SBF2: variants seen among roughly 807,000 people sequenced by gnomAD.
The protein encoded by SBF2 is SET binding factor 2.
SBF2 carries 112 observed loss-of-function variants against 225.2 expected under a neutral mutation model. That is an observed-to-expected ratio of 0.50 (90% CI 0.43 to 0.58). The LOEUF is 0.58. SBF2 is among the 20% of genes least tolerant of loss of function. The pLI is 0.00. For missense variants in SBF2, 1,996 were observed against 2,206.2 expected (o/e 0.90, Z 1.91); for synonymous variants, 763 against 773.3 (o/e 0.99, Z 0.22).
chr11:9,782,475 A>G (rs1426224636), intron 38 of SBF2, among the ~76,000 whole-genome samples: 2 of 152,242 alleles, frequency 1.3e-5, no homozygotes, highest in African/African-American at 4.8e-5. Flanking sequence ...ATAAGGTACT[A>G]GATCATCTCA....
rs181984052 is a variant in SBF2 at position 10,092,727 on chromosome 11, A to C, written c.142-49746T>G. On this transcript the variant is annotated intron_variant, in intron 2 of 39. Transcript: ENST00000256190. Reference sequence around the variant, plus strand: ...GGAAGAGAACATCCATTAATGCTAAAATAAAGGGATGACACATACACACGC... The same window carrying C: ...GGAAGAGAACATCCATTAATGCTAACATAAAGGGATGACACATACACACGC... 9.8e-5 allele frequency among the ~76,000 whole-genome samples: 15 copies of C among 152,338 alleles called. No homozygotes were observed. The East Asian group carries it at 2.7e-3, about 27-fold the overall frequency.
At chr11:9,974,616 C>T (rs1946592465) in intron 13 of SBF2, among the ~76,000 whole-genome samples, 1 of 149,748 alleles carries the variant, frequency 6.7e-6, no homozygotes, top group South Asian at 2.1e-4. Context: ...CACCACATAC[C>T]TGTTGGAAAG....
intron 16 of SBF2, among the ~76,000 whole-genome samples, chr11:9,904,597 C>T (rs897340224): frequency 9.9e-5 from 15 of 152,116 alleles, no homozygotes; most frequent in Admixed American, 6.6e-5. Context: ...ATACTGTAAA[C>T]GTTAGAGCTA....
At chr11:10,288,933 G>A (rs972815854) in intron 1 of SBF2, among the ~76,000 whole-genome samples, 28 of 152,042 alleles carry the variant, frequency 1.8e-4, no homozygotes, top group Non-Finnish European at 2.2e-4. Context: ...AGCCCTCCCC[G>A]GCCTGAAGGT....
chr11:10,154,296 G>C (rs1955362941), intron 2 of SBF2, among the ~76,000 whole-genome samples: 1 of 152,062 alleles, frequency 6.6e-6, no homozygotes, highest in South Asian at 2.1e-4. Context: ...ATTCTGGAAA[G>C]TATTCCACAT....
intron 15 of SBF2, among the ~76,000 whole-genome samples, chr11:9,963,152 T>C (rs1441710183): frequency 6.6e-6 from 1 of 152,196 alleles, no homozygotes; most frequent in East Asian, 1.9e-4. Context: ...TTCTTTGCAA[T>C]ACATAAAATT....
At chr11:10,125,016 G>A (rs1159864039) in intron 2 of SBF2, among the ~76,000 whole-genome samples, 3 of 150,888 alleles carry the variant, frequency 2.0e-5, no homozygotes, top group African/African-American at 7.3e-5. Flanking sequence ...GAGGCAGGAG[G>A]AGAATTGCTT....
At chr11:9,815,464 A>C (rs944102752) in intron 29 of SBF2, among the ~76,000 whole-genome samples, 16 of 43,630 alleles carry the variant, frequency 3.7e-4, no homozygotes. Flanking sequence ...AAACTTAAAA[A>C]AAATATAATA....
intron 28 of SBF2, chr11:9,819,388 G>C (rs1209208570): frequency 9.9e-5 from 15 of 152,080 alleles, no homozygotes; most frequent in Non-Finnish European, 4.4e-5. Flanking sequence ...AGAAGAATAG[G>C]CTATTTAATT....
At chr11:10,136,757 C>T (rs73412871) in intron 2 of SBF2, among the ~76,000 whole-genome samples, 1 of 152,208 alleles carries the variant, frequency 6.6e-6, no homozygotes, top group Non-Finnish European at 1.5e-5. Flanking sequence ...AAGTGAAGAA[C>T]TGCTTGGTGT....
At position 10,254,900 on chromosome 11, in the gene SBF2, C is replaced by CAAAAAA. The variant is rs71034757; in HGVS notation, c.55+39109_55+39114dup. ...TGGGTGACAGAGTGAGACTCTGTCT[C>CAAAAAA]AAAAAAAAAAAAAAAAAAAAAAAAA... On this transcript the variant is annotated intron_variant, in intron 1 of 39. Transcript: ENST00000256190. Among the ~76,000 whole-genome samples, 108 of 44,072 alleles carry CAAAAAA rather than the reference C, an allele frequency of 2.5e-3. 8 individuals are homozygous for CAAAAAA. Among genetic ancestry groups the CAAAAAA allele is most frequent in the Non-Finnish European group, 2.6e-3 (69 of 26,492 alleles). The allele number at this position is 44,072 out of a possible 152,430, so 28.9% of individuals were successfully genotyped here.
At chr11:10,196,442 C>T (rs72861754) in intron 1 of SBF2, among the ~76,000 whole-genome samples, 8,335 of 152,154 alleles carry the variant, frequency 0.055, 316 homozygotes, top group Middle Eastern at 0.14. Flanking sequence ...TTCAGTGGCA[C>T]AATCATCGCT....
At chr11:9,882,795 C>CAA (rs56699466) in intron 17 of SBF2, among the ~76,000 whole-genome samples, 1,912 of 89,084 alleles carry the variant, frequency 0.021, 74 homozygotes, top group Non-Finnish European at 0.026. Context: ...GTGACAGAGT[C>CAA]AAAAAAAAAA....
chr11:9,853,531 A>T lies in SBF2; in HGVS notation c.2536+9T>A, dbSNP rs1425567073. 3 of 1,611,756 alleles carry T rather than the reference A, an allele frequency of 1.9e-6. No homozygotes were observed. Among genetic ancestry groups the T allele is most frequent in the Non-Finnish European group, 2.5e-6 (3 of 1,177,988 alleles). On this transcript the variant is annotated intron_variant, in intron 20 of 39. Transcript: ENST00000256190. ...TATTCTGATTCTCTAATATCTGCAG[A>T]GTGATTACCTGGTATCATGCAATGA...
intron 2 of SBF2, among the ~76,000 whole-genome samples, chr11:10,161,184 CA>C (rs56779207): frequency 0.44 from 33,224 of 75,496 alleles, 3,711 homozygotes; most frequent in East Asian, 0.57. Context: ...GACTCTGTCT[CA>C]AAAAAAAAAA....
chr11:10,152,781 G>A (rs1014186109), intron 2 of SBF2, among the ~76,000 whole-genome samples: 2 of 152,140 alleles, frequency 1.3e-5, no homozygotes, highest in Non-Finnish European at 2.9e-5. Context: ...TTCTGACTAA[G>A]GGAATTAAAA....
At chr11:10,036,283 C>G (rs188887139) in intron 3 of SBF2, among the ~76,000 whole-genome samples, 55 of 151,916 alleles carry the variant, frequency 3.6e-4, no homozygotes, top group Middle Eastern at 3.4e-3. Context: ...GTTAGGGGAG[C>G]GATAGCATTA....
In SBF2 at chr11:10,220,412, G is replaced by A. The variant is rs751240703; in HGVS notation, c.56-26425C>T. Reference sequence around the variant, plus strand: ...ACACAGCCAAATGATACCTCCAATCGTTCTAGATTCTTGTTCATTAACATT... The same window carrying A: ...ACACAGCCAAATGATACCTCCAATCATTCTAGATTCTTGTTCATTAACATT... On this transcript the variant is annotated intron_variant, in intron 1 of 39. Coordinates refer to ENST00000256190, the MANE Select transcript of SBF2 (RefSeq NM_030962.4). Among the ~76,000 whole-genome samples the A allele has an allele frequency of 3.3e-5, 5 of 152,072 alleles. No homozygotes were observed. The South Asian group carries it at 6.2e-4, about 19-fold the overall frequency.
chr11:9,814,090 G>A (rs1483847997), intron 29 of SBF2, among the ~76,000 whole-genome samples: 1 of 152,134 alleles, frequency 6.6e-6, no homozygotes, highest in Non-Finnish European at 1.5e-5. Flanking sequence ...TTTATTTTGT[G>A]TGTGGTATGA....
Sources: gnomAD v4.1 joint callset for allele counts (sites outside exome capture counted in the v4.1 genomes callset) on GRCh38, gnomAD v4.1.1 for gene constraint, MANE v1.5 for transcripts, NCBI Gene and HGNC (gene_info 2026-07-23, HGNC 2026-07-21) for gene names.